The following RALYL variants were observed in gnomAD, a reference collection of about 807,000 sequenced individuals.
The protein encoded by RALYL is RALY RNA binding protein like.
Under a neutral mutation model 35.1 loss-of-function variants are expected in RALYL, and 29 were observed. The observed-to-expected ratio is 0.83, with a 90% confidence interval of 0.61 to 1.13. RALYL has a LOEUF of 1.13. Ranked by LOEUF, RALYL falls within the 50% of genes most tolerant of loss-of-function variation. RALYL has a pLI of 0.00. For missense variants in RALYL, 359 were observed against 360.4 expected (o/e 1.00, Z 0.03); for synonymous variants, 120 against 127.6 (o/e 0.94, Z 0.40).
chr8:84,814,585 A>ATTGT (rs917740853), intron 4 of RALYL, among the ~76,000 whole-genome samples: 5 of 152,204 alleles, frequency 3.3e-5, no homozygotes, highest in African/African-American at 9.6e-5. Flanking sequence ...TTGAAATAAA[A>ATTGT]TTGTTTGGTC....
Position 84,476,632 on chromosome 8 carries a change from A to G in RALYL, c.-23-52667A>G, listed in dbSNP as rs533011731. Reference sequence around the variant, plus strand: ...TCTTCTAACCATACATATCAATATTAGTATATTTATTCCCTCGTTGCCAAA... The same window carrying G: ...TCTTCTAACCATACATATCAATATTGGTATATTTATTCCCTCGTTGCCAAA... On this transcript the variant is annotated intron_variant, in intron 1 of 8. Coordinates refer to ENST00000521268, the MANE Select transcript of RALYL (RefSeq NM_173848.7). Among the ~76,000 whole-genome samples the G allele has an allele frequency of 3.9e-5, 6 of 152,246 alleles. No homozygotes were observed. In the East Asian group the frequency reaches 9.7e-4, roughly 25 times the overall value.
chr8:84,692,607 G>C (rs1398739102), intron 2 of RALYL, among the ~76,000 whole-genome samples: 1 of 151,946 alleles, frequency 6.6e-6, no homozygotes, highest in Non-Finnish European at 1.5e-5. Flanking sequence ...TGTAGATTTA[G>C]TGAAATATCT....
intron 2 of RALYL, among the ~76,000 whole-genome samples, chr8:84,769,756 CA>C (rs377051716): frequency 6.6e-6 from 1 of 151,846 alleles, no homozygotes; most frequent in East Asian, 1.9e-4. Context: ...CAAAAACAAA[CA>C]AAAAAACCCT....
chr8:84,804,496 G>GAATT (rs1325303922), intron 3 of RALYL, among the ~76,000 whole-genome samples: 1 of 152,120 alleles, frequency 6.6e-6, no homozygotes, highest in Non-Finnish European at 1.5e-5. Flanking sequence ...AGTGCAATCA[G>GAATT]AATTAGATTA....
rs1216301859 is a variant in RALYL, at chr8:84,420,594, T to C, written c.-23-108705T>C. Among the ~76,000 whole-genome samples the C allele has an allele frequency of 2.9e-5, 4 of 140,234 alleles. No homozygotes were observed. The East Asian group carries it at 8.1e-4, about 29-fold the overall frequency. The allele number at this position is 140,234 out of a possible 152,430, so 92.0% of individuals were successfully genotyped here. A position where few individuals can be genotyped will look rare whatever the true frequency, so the allele number is the denominator to read the frequency against. On this transcript the variant is annotated intron_variant, in intron 1 of 8. Coordinates refer to ENST00000521268, the MANE Select transcript of RALYL (RefSeq NM_173848.7). The stretch of plus-strand genomic sequence containing the variant: ...TTTTGTCTTTTGTTGCCATTGCTTT[T>C]GGTGTTTTAGACATGAAGTCCTTGC...
intron 1 of RALYL, among the ~76,000 whole-genome samples, chr8:84,392,936 C>T (rs1288708288): frequency 6.6e-6 from 1 of 151,996 alleles, no homozygotes; most frequent in Non-Finnish European, 1.5e-5. Flanking sequence ...CACTGTTAGT[C>T]AATTGGCATT....
At chr8:84,420,419 T>G (rs1308759225) in intron 1 of RALYL, among the ~76,000 whole-genome samples, 4 of 152,084 alleles carry the variant, frequency 2.6e-5, no homozygotes, top group Admixed American at 2.0e-4. Flanking sequence ...TACATTTGTT[T>G]GAGTTCATTG....
intron 2 of RALYL, among the ~76,000 whole-genome samples, chr8:84,692,975 A>G (rs1166313715): frequency 6.6e-6 from 1 of 151,988 alleles, no homozygotes; most frequent in African/African-American, 2.4e-5. Context: ...CAAGCAAACA[A>G]ATTATCTCCT....
chr8:84,765,871 C>G (rs138158682), intron 2 of RALYL, among the ~76,000 whole-genome samples: 1 of 150,704 alleles, frequency 6.6e-6, no homozygotes, highest in Non-Finnish European at 1.5e-5. Flanking sequence ...AAAGATTTGT[C>G]TTTTAACCAA....
intron 2 of RALYL, among the ~76,000 whole-genome samples, chr8:84,661,021 C>T (rs546105284): frequency 3.9e-5 from 6 of 152,102 alleles, no homozygotes; most frequent in African/African-American, 7.2e-5. Context: ...CTCTGCCTCC[C>T]GGGTTCACGC....
At chr8:84,380,798 G>A (rs190021093) in intron 1 of RALYL, among the ~76,000 whole-genome samples, 3 of 151,822 alleles carry the variant, frequency 2.0e-5, no homozygotes, top group Non-Finnish European at 4.4e-5. Context: ...GTCATCACAG[G>A]TGTCCTTAAC....
chr8:84,560,117 T>C (rs1042118276), intron 2 of RALYL, among the ~76,000 whole-genome samples: 2 of 151,830 alleles, frequency 1.3e-5, no homozygotes, highest in African/African-American at 4.8e-5. Context: ...AAATCTAAAG[T>C]AACTACAAGG....
intron 2 of RALYL, among the ~76,000 whole-genome samples, chr8:84,553,754 A>G (rs1205159587): frequency 6.6e-6 from 1 of 152,170 alleles, no homozygotes; most frequent in Non-Finnish European, 1.5e-5. Flanking sequence ...CCAAAGTAAA[A>G]TCAAGCTACA....
intron 6 of RALYL, among the ~76,000 whole-genome samples, chr8:84,865,864 G>A (rs948554899): frequency 2.0e-5 from 3 of 152,102 alleles, no homozygotes; most frequent in African/African-American, 7.2e-5. Flanking sequence ...TAATATAAAT[G>A]CCCTGAAGCA....
At chr8:84,832,583 T>C (rs1831147819) in intron 4 of RALYL, among the ~76,000 whole-genome samples, 1 of 152,130 alleles carries the variant, frequency 6.6e-6, no homozygotes, top group Admixed American at 6.5e-5. Flanking sequence ...TCAAAGAAAC[T>C]GAACTAGTAC....
At chr8:84,523,332 C>G (rs941222249) in intron 1 of RALYL, among the ~76,000 whole-genome samples, 1 of 151,664 alleles carries the variant, frequency 6.6e-6, no homozygotes, top group South Asian at 2.1e-4. Flanking sequence ...GAGACTTATT[C>G]ATGAGAACAG....
At chr8:84,644,240 G>A (rs758177288) in intron 2 of RALYL, among the ~76,000 whole-genome samples, 44 of 151,974 alleles carry the variant, frequency 2.9e-4, no homozygotes, top group Middle Eastern at 3.2e-3. Flanking sequence ...GTTTTAAAAT[G>A]CACTTTTAGG....
At chr8:84,695,112 T>G (rs1173741507) in intron 2 of RALYL, among the ~76,000 whole-genome samples, 1 of 151,738 alleles carries the variant, frequency 6.6e-6, no homozygotes, top group East Asian at 1.9e-4. Context: ...TTATAAAAGT[T>G]TTCTTTTTTA....
chr8:84,374,221 T>C (rs1856481743), intron 1 of RALYL, among the ~76,000 whole-genome samples: 1 of 151,994 alleles, frequency 6.6e-6, no homozygotes, highest in Non-Finnish European at 1.5e-5. Flanking sequence ...CTGATTACTC[T>C]GGTCAGGACT....
Sources: gnomAD v4.1 joint callset for allele counts (sites outside exome capture counted in the v4.1 genomes callset) on GRCh38, gnomAD v4.1.1 for gene constraint, MANE v1.5 for transcripts, NCBI Gene and HGNC (gene_info 2026-07-23, HGNC 2026-07-21) for gene names.